ZNF695: variants seen among roughly 807,000 people sequenced by gnomAD.
The protein encoded by ZNF695 is zinc finger protein SBZF3.
ZNF695 carries 11 observed loss-of-function variants against 11.2 expected under a neutral mutation model. That is an observed-to-expected ratio of 0.98 (90% CI 0.62 to 1.62). The LOEUF (loss-of-function observed/expected upper bound fraction) is 1.62. Among genes scored for constraint, ZNF695 ranks in the 40% most tolerant of loss-of-function variants. The probability of loss-of-function intolerance (pLI) is 0.00; values close to 1 mark genes in which losing one functional copy is unlikely to be tolerated. For synonymous variants in ZNF695, 190 were observed against 201.4 expected, an observed-to-expected ratio of 0.94 and a Z score of 0.48; for missense variants, 559 against 590.5, an observed-to-expected ratio of 0.95 and a Z score of 0.55.
chr1:246,962,129 T>C (rs1046661877), intron 5 of ZNF695, among the ~76,000 whole-genome samples: 1 of 152,226 alleles, frequency 6.6e-6, no homozygotes, highest in Admixed American at 6.5e-5. Context: ...GGCTAACAAA[T>C]TAAAGCAATG....
intron 5 of ZNF695, among the ~76,000 whole-genome samples, chr1:246,957,255 C>G (rs1183011709): frequency 6.6e-6 from 1 of 151,886 alleles, no homozygotes; most frequent in African/African-American, 2.4e-5. Context: ...TGGTGGTGCA[C>G]TCCTGTAGTC....
intron 1 of ZNF695, among the ~76,000 whole-genome samples, chr1:247,001,744 CAAAG>C (rs1257856177): frequency 7.2e-6 from 1 of 138,578 alleles, no homozygotes; most frequent in Non-Finnish European, 1.6e-5. Flanking sequence ...AGAAACAAGA[CAAAG>C]AAGGGCATTG....
chr1:246,956,650 G>T (rs766560694), intron 5 of ZNF695, among the ~76,000 whole-genome samples: 10 of 152,150 alleles, frequency 6.6e-5, no homozygotes, highest in East Asian at 3.9e-4. Context: ...ATAATTGGGG[G>T]TATGTTAATA....
In ZNF695 at chr1:246,968,638, G is replaced by C. The variant is rs932321572; in HGVS notation, c.391-846C>G. 3 of 152,372 alleles carry C rather than the reference G, an allele frequency of 2.0e-5. No individual in the cohort carries two copies. In the East Asian group the frequency reaches 5.8e-4, roughly 29 times the overall value. 9.4% of individuals were successfully genotyped at this position (152,372 alleles called of 1,614,324 possible). A position where few individuals can be genotyped will look rare whatever the true frequency, so the allele number is the denominator to read the frequency against. Reference sequence around the variant, plus strand: ...TACCCTAGTAGAGGTTCTCCACAAGGGCTCCGCCCCTGAAGCAAATTTCTG... The same window carrying C: ...TACCCTAGTAGAGGTTCTCCACAAGCGCTCCGCCCCTGAAGCAAATTTCTG... On this transcript the variant is annotated intron_variant, in intron 4 of 5. Transcript: ENST00000487338.
intron 4 of ZNF695, among the ~76,000 whole-genome samples, chr1:246,979,100 T>C (rs1418040903): frequency 2.0e-5 from 3 of 152,156 alleles, no homozygotes. Flanking sequence ...ACGTGTAACC[T>C]AGGCTAGGAT....
intron 3 of ZNF695, among the ~76,000 whole-genome samples, chr1:246,990,211 A>G (rs867733987): frequency 6.9e-6 from 1 of 145,726 alleles, no homozygotes; most frequent in African/African-American, 2.5e-5. Context: ...GAGAGAGAGA[A>G]AGAAAGACAC....
downstream of ZNF695, among the ~76,000 whole-genome samples, chr1:246,981,369 T>A (rs1005485223): frequency 6.6e-6 from 1 of 152,224 alleles, no homozygotes; most frequent in Non-Finnish European, 1.5e-5. Flanking sequence ...ACAGCAATTT[T>A]ACTATTGGAT....
At chr1:247,002,291 G>T (rs1157329562) in intron 1 of ZNF695, among the ~76,000 whole-genome samples, 1 of 151,932 alleles carries the variant, frequency 6.6e-6, no homozygotes. Flanking sequence ...CAGAAATGAA[G>T]AAATTATTTG....
At chr1:246,945,759 C>A in exon 6 of ZNF695, 1 of 1,550,124 alleles carries the variant, frequency 6.5e-7, no homozygotes, top group South Asian at 1.2e-5. Context: ...GGAGTCCAGG[C>A]ACTGTGTTCA....
intron 5 of ZNF695, among the ~76,000 whole-genome samples, chr1:246,949,299 C>T (rs1265951756): frequency 6.6e-6 from 1 of 152,032 alleles, no homozygotes; most frequent in African/African-American, 2.4e-5. Flanking sequence ...CTAAAGAGCT[C>T]TATCTCTTGG....
At chr1:246,969,480 AG>A (rs1437867046) in intron 4 of ZNF695, 1 of 152,282 alleles carries the variant, frequency 6.6e-6, no homozygotes. Flanking sequence ...ACAAGTCTCT[AG>A]GAAGTTCCAA....
Position 246,985,382 on chromosome 1 carries a change from A to T in ZNF695, c.*1585T>A, listed in dbSNP as rs1668820551. 1.0e-6 allele frequency: 1 copy of T among 985,174 alleles called. No homozygotes were observed. The highest frequency in any genetic ancestry group is 6.2e-5 in the Admixed American group (1 of 16,254). The allele number at this position is 985,174 out of a possible 1,614,324, so 61.0% of individuals were successfully genotyped here. A position where few individuals can be genotyped will look rare whatever the true frequency, so the allele number is the denominator to read the frequency against. On this transcript the variant is annotated 3_prime_UTR_variant, in exon 4 of 4. Coordinates refer to ENST00000339986, the MANE Select transcript of ZNF695 (RefSeq NM_020394.5). ...CTTAATAATGACACTGTCATTACAA[A>T]AAGAGCAAACAGAATGAAGGTGTAA...
chr1:246,954,801 T>C (rs1361730447), intron 5 of ZNF695, among the ~76,000 whole-genome samples: 2 of 152,180 alleles, frequency 1.3e-5, no homozygotes, highest in Non-Finnish European at 2.9e-5. Flanking sequence ...AGGAAAATAA[T>C]AACTGAGAAA....
intron 1 of ZNF695, among the ~76,000 whole-genome samples, chr1:247,004,627 G>C (rs920411664): frequency 2.6e-5 from 4 of 152,062 alleles, no homozygotes; most frequent in Non-Finnish European, 5.9e-5. Flanking sequence ...AAATTCAAAA[G>C]GAAGAAGTCA....
Position 247,003,019 on chromosome 1 carries a change from A to G in ZNF695, c.4-2945T>C, listed in dbSNP as rs865917463. Reference sequence around the variant, plus strand: ...AAGGAATGCCTATACACTGCTGGTGAAAACATAAATTAGCCACTGTGGAAA... The same window carrying G: ...AAGGAATGCCTATACACTGCTGGTGGAAACATAAATTAGCCACTGTGGAAA... On this transcript the variant is annotated intron_variant, in intron 1 of 3. Coordinates refer to ENST00000339986, the MANE Select transcript of ZNF695 (RefSeq NM_020394.5). 3.9e-5 allele frequency among the ~76,000 whole-genome samples: 6 copies of G among 152,342 alleles called. 1 individual carries two copies. Among genetic ancestry groups the G allele is most frequent in the Middle Eastern group, 6.8e-3 (2 of 294 alleles).
chr1:246,967,161 C>T (rs1281901483), intron 5 of ZNF695, among the ~76,000 whole-genome samples: 2 of 152,190 alleles, frequency 1.3e-5, no homozygotes, highest in Non-Finnish European at 2.9e-5. Context: ...TGGTCTCGAA[C>T]TCCCGACCTC....
intron 4 of ZNF695, chr1:246,969,200 G>A (rs765853917): frequency 3.3e-5 from 5 of 152,144 alleles, no homozygotes; most frequent in African/African-American, 4.8e-5. Context: ...TCAGAAATAT[G>A]AGCATACACT....
chr1:246,971,434 G>A (rs1291604352), intron 4 of ZNF695, among the ~76,000 whole-genome samples: 1 of 152,176 alleles, frequency 6.6e-6, no homozygotes, highest in Non-Finnish European at 1.5e-5. Context: ...TTCCACAAGA[G>A]GTGGTGGAGC....
At chr1:246,970,744 A>C (rs1466406275) in intron 4 of ZNF695, among the ~76,000 whole-genome samples, 2 of 152,240 alleles carry the variant, frequency 1.3e-5, no homozygotes. Flanking sequence ...TAGAACGGCT[A>C]AAAACAAAGT....
Sources: allele counts gnomAD v4.1 joint callset (sites outside exome capture counted in the v4.1 genomes callset), GRCh38; gene constraint gnomAD v4.1.1; transcripts MANE v1.5; gene names NCBI Gene and HGNC (gene_info 2026-07-23, HGNC 2026-07-21).